The following PXDNL variants were observed in gnomAD, a reference collection of about 807,000 sequenced individuals.
The protein encoded by PXDNL is probable oxidoreductase PXDNL.
Under a neutral mutation model 150.8 loss-of-function variants are expected in PXDNL, and 145 were observed. That is an observed-to-expected ratio of 0.96 (90% CI 0.84 to 1.10). The LOEUF (loss-of-function observed/expected upper bound fraction) is 1.10. Ranked by LOEUF, PXDNL falls within the 50% of genes least tolerant of loss-of-function variation. The pLI, the probability that PXDNL is intolerant of heterozygous loss-of-function variation, is 0.00. For synonymous variants in PXDNL, 757 were observed against 725.7 expected (o/e 1.04, Z -0.69); for missense variants, 2,087 against 1,873.9 (o/e 1.11, Z -2.10).
intron 1 of PXDNL, among the ~76,000 whole-genome samples, chr8:51,775,380 G>C (rs1211685283): frequency 3.3e-5 from 5 of 152,068 alleles, no homozygotes; most frequent in Non-Finnish European, 7.4e-5. Flanking sequence ...TCGTTATATT[G>C]CCATTCCAAT....
intron 2 of PXDNL, among the ~76,000 whole-genome samples, chr8:51,639,373 C>G (rs557255711): frequency 1.9e-3 from 292 of 152,084 alleles, no homozygotes; most frequent in African/African-American, 6.6e-3. Context: ...GAAGGAGATA[C>G]AGACACAAAA....
At chr8:51,358,264 A>C (rs1806582882) in intron 19 of PXDNL, among the ~76,000 whole-genome samples, 1 of 152,220 alleles carries the variant, frequency 6.6e-6, no homozygotes. Flanking sequence ...TTCCCAGGCT[A>C]AAAGACAGGA....
chr8:51,365,836 G>C (rs1363086049), intron 19 of PXDNL, among the ~76,000 whole-genome samples: 1 of 152,162 alleles, frequency 6.6e-6, no homozygotes, highest in East Asian at 1.9e-4. Flanking sequence ...AATTATGGGA[G>C]ATCATTGTTT....
intron 21 of PXDNL, among the ~76,000 whole-genome samples, chr8:51,338,081 AGGC>A (rs1805882110): frequency 1.3e-5 from 2 of 149,428 alleles, no homozygotes; most frequent in Non-Finnish European, 3.0e-5. Flanking sequence ...TGGGAGGCTG[AGGC>A]AGGAGAATTA....
intron 20 of PXDNL, 25 bp from the exon 21 acceptor site, chr8:51,339,778 A>G (rs1805936514): frequency 6.4e-7 from 1 of 1,572,640 alleles, no homozygotes; most frequent in Non-Finnish European, 8.6e-7. Flanking sequence ...AAGCAAATAA[A>G]ATGCTGAAAA....
At chr8:51,444,940 T>A (rs771981269) in intron 12 of PXDNL, among the ~76,000 whole-genome samples, 24 of 151,864 alleles carry the variant, frequency 1.6e-4, no homozygotes, top group Non-Finnish European at 3.1e-4. Context: ...GGAGTCTTGC[T>A]TTGTTGCCCA....
intron 5 of PXDNL, among the ~76,000 whole-genome samples, chr8:51,492,257 A>G (rs1810912341): frequency 6.6e-6 from 1 of 152,176 alleles, no homozygotes; most frequent in Non-Finnish European, 1.5e-5. Context: ...TTCTTTTCAG[A>G]GAGAAATAGC....
chr8:51,600,526 ATC>A, intron 2 of PXDNL, among the ~76,000 whole-genome samples: 1 of 135,644 alleles, frequency 7.4e-6, no homozygotes, highest in Non-Finnish European at 1.5e-5. Flanking sequence ...TATAAATTAT[ATC>A]ATTTAGATAA....
chr8:51,403,558 AG>A (rs1382753629), intron 17 of PXDNL, among the ~76,000 whole-genome samples: 1 of 152,226 alleles, frequency 6.6e-6, no homozygotes, highest in Non-Finnish European at 1.5e-5. Context: ...TGGTGCAGCA[AG>A]ACCCATGGCT....
intron 1 of PXDNL, among the ~76,000 whole-genome samples, chr8:51,761,025 A>ATT (rs71237238): frequency 0.034 from 3,852 of 114,368 alleles, 212 homozygotes; most frequent in African/African-American, 0.11. Flanking sequence ...CGCCCGGCTA[A>ATT]TTTTTTTTTT....
chr8:51,376,875 T>C (rs1009582405), intron 17 of PXDNL, among the ~76,000 whole-genome samples: 1 of 151,856 alleles, frequency 6.6e-6, no homozygotes, highest in Non-Finnish European at 1.5e-5. Flanking sequence ...CCCGCCACAA[T>C]GCCCGGCTAA....
Position 51,447,133 on chromosome 8 carries a change from T to C in PXDNL, c.1396A>G (p.Thr466Ala), listed in dbSNP as rs1167948279. The C allele has an allele frequency of 1.2e-6, 2 of 1,613,912 alleles. No homozygotes were observed. The highest frequency in any genetic ancestry group is 1.7e-6 in the Non-Finnish European group (2 of 1,179,844). Residue 466 changes from threonine to alanine, a missense_variant, in exon 12 of 23, where the codon ACA becomes GCA. Thr to Ala is a moderately conservative substitution (Grantham distance 58). Transcript: ENST00000356297. ...GGQLPVEGQH[T>A]VLSSGTLRID... ...CTCAAAGTGCCAGAGGAGAGAACTG[T>C]ATGCTGGCCTTCCACAGGGAGCTGC...
intron 1 of PXDNL, among the ~76,000 whole-genome samples, chr8:51,781,512 G>A (rs991141272): frequency 2.6e-5 from 4 of 152,122 alleles, no homozygotes; most frequent in Admixed American, 6.5e-5. Flanking sequence ...GTGGCTCTTC[G>A]TCCAGTTGTA....
At chr8:51,726,673 A>G (rs972607476) in intron 1 of PXDNL, among the ~76,000 whole-genome samples, 2 of 152,214 alleles carry the variant, frequency 1.3e-5, no homozygotes, top group African/African-American at 4.8e-5. Flanking sequence ...TTAAAGCAGC[A>G]CAAGGCTTCA....
At chr8:51,321,324 G>A (rs1430412670) in intron 21 of PXDNL, among the ~76,000 whole-genome samples, 1 of 152,126 alleles carries the variant, frequency 6.6e-6, no homozygotes, top group African/African-American at 2.4e-5. Context: ...AAAGATGAAA[G>A]CAAGCAGACC....
intron 5 of PXDNL, among the ~76,000 whole-genome samples, chr8:51,492,650 C>A (rs150021027): frequency 6.6e-6 from 1 of 152,154 alleles, no homozygotes; most frequent in Admixed American, 6.5e-5. Flanking sequence ...GCACCTGGCT[C>A]GGAGGGTCCT....
intron 4 of PXDNL, among the ~76,000 whole-genome samples, chr8:51,543,575 G>T (rs1464779070): frequency 6.6e-6 from 1 of 151,940 alleles, no homozygotes. Context: ...TGCCGGGCAT[G>T]GTGGTGTGCA....
chr8:51,504,167 G>A (rs1311674923), intron 4 of PXDNL, among the ~76,000 whole-genome samples: 1 of 152,022 alleles, frequency 6.6e-6, no homozygotes, highest in African/African-American at 2.4e-5. Context: ...CCACACTAGA[G>A]CAAACTATAC....
At chr8:51,454,231 G>A (rs1342481750) in intron 9 of PXDNL, among the ~76,000 whole-genome samples, 1 of 152,152 alleles carries the variant, frequency 6.6e-6, no homozygotes, top group Non-Finnish European at 1.5e-5. Context: ...TTGGGTTACA[G>A]GAGCCACTTT....
Sources: allele counts gnomAD v4.1 joint callset (sites outside exome capture counted in the v4.1 genomes callset), GRCh38; gene constraint gnomAD v4.1.1; transcripts MANE v1.5; gene names NCBI Gene and HGNC (gene_info 2026-07-23, HGNC 2026-07-21).